The following EDIL3 variants were observed in gnomAD, a reference collection of about 807,000 sequenced individuals.
EDIL3 encodes EGF-like repeat and discoidin I-like domain-containing protein 3.
Under a neutral mutation model 67.4 loss-of-function variants are expected in EDIL3, and 37 were observed. That is an observed-to-expected ratio of 0.55 (90% CI 0.42 to 0.72). The LOEUF (loss-of-function observed/expected upper bound fraction) is 0.72. Ranked by LOEUF, EDIL3 falls within the 30% of genes least tolerant of loss-of-function variation. The pLI, the probability that EDIL3 is intolerant of heterozygous loss-of-function variation, is 0.00. For synonymous variants in EDIL3, 195 were observed against 196.3 expected, an observed-to-expected ratio of 0.99 and a Z score of 0.05; for missense variants, 527 against 586.3, an observed-to-expected ratio of 0.90 and a Z score of 1.04.
At chr5:84,131,670 A>G (rs73769736) in intron 5 of EDIL3, among the ~76,000 whole-genome samples, 4,847 of 152,294 alleles carry the variant, frequency 0.032, 241 homozygotes, top group African/African-American at 0.11. Context: ...GGATTAAAAA[A>G]TCAATATTTA....
chr5:84,195,572 T>A (rs1743687933), intron 3 of EDIL3, among the ~76,000 whole-genome samples: 1 of 151,998 alleles, frequency 6.6e-6, no homozygotes, highest in Non-Finnish European at 1.5e-5. Flanking sequence ...GTACACTTGG[T>A]AATTTCCAAA....
intron 2 of EDIL3, among the ~76,000 whole-genome samples, chr5:84,249,562 C>G (rs1309423455): frequency 6.6e-6 from 1 of 152,026 alleles, no homozygotes; most frequent in East Asian, 1.9e-4. Context: ...GTAACTATTA[C>G]TTAGTAAACA....
intron 1 of EDIL3, among the ~76,000 whole-genome samples, chr5:84,327,999 AG>A (rs1746797144): frequency 6.6e-6 from 1 of 152,028 alleles, no homozygotes; most frequent in African/African-American, 2.4e-5. Context: ...TGAATAAATA[AG>A]TGCTTCTCAA....
rs1278058013 is a variant in EDIL3 at position 84,064,684 on chromosome 5, T to A, written c.952+16A>T. The A allele has an allele frequency of 5.0e-6, 8 of 1,605,866 alleles. No individual in the cohort carries two copies. The African/African-American group carries it at 6.7e-5, about 13-fold the overall frequency. The stretch of plus-strand genomic sequence containing the variant: ...TTCTTTAAATAGAATACAGAAATAG[T>A]TAATTTGAGACTTACCCGACAGTTC... On this transcript the variant is annotated intron_variant, in intron 8 of 10. Transcript: ENST00000296591.
intron 1 of EDIL3, among the ~76,000 whole-genome samples, chr5:84,371,341 A>G (rs141543922): frequency 0.11 from 13,986 of 129,618 alleles, 884 homozygotes; most frequent in South Asian, 0.23. Context: ...ATATATATAT[A>G]TGTGTGTGTG....
At chr5:84,195,931 T>C (rs1277205744) in intron 3 of EDIL3, among the ~76,000 whole-genome samples, 1 of 151,970 alleles carries the variant, frequency 6.6e-6, no homozygotes, top group Non-Finnish European at 1.5e-5. Flanking sequence ...TCACAGGAGC[T>C]ACCTAAGCCC....
chr5:84,243,076 T>C (rs1173049848), intron 2 of EDIL3, among the ~76,000 whole-genome samples: 2 of 102,698 alleles, frequency 1.9e-5, no homozygotes, highest in East Asian at 2.6e-4. Context: ...ATTTTATGTG[T>C]GTGTGTGTGT....
chr5:84,270,424 G>C (rs1217014872), intron 1 of EDIL3, among the ~76,000 whole-genome samples: 1 of 152,134 alleles, frequency 6.6e-6, no homozygotes, highest in Non-Finnish European at 1.5e-5. Flanking sequence ...TAACTCATAA[G>C]CCTAAGGATA....
intron 9 of EDIL3, among the ~76,000 whole-genome samples, chr5:84,026,239 T>C (rs1561407305): frequency 6.6e-6 from 1 of 152,244 alleles, no homozygotes; most frequent in Non-Finnish European, 1.5e-5. Context: ...TTGGAGAATA[T>C]AAGATTTCTG....
chr5:83,979,803 C>T (rs931160342), intron 9 of EDIL3, among the ~76,000 whole-genome samples: 3 of 152,050 alleles, frequency 2.0e-5, no homozygotes, highest in Non-Finnish European at 4.4e-5. Context: ...CTAGATTGGA[C>T]ATATAGGGGC....
chr5:84,024,845 C>G (rs1745783749), intron 9 of EDIL3, among the ~76,000 whole-genome samples: 1 of 150,662 alleles, frequency 6.6e-6, no homozygotes, highest in South Asian at 2.1e-4. Context: ...TGACTTTTAT[C>G]TCTCTAAGTA....
At chr5:84,102,491 C>T (rs1455895676) in intron 6 of EDIL3, among the ~76,000 whole-genome samples, 1 of 151,850 alleles carries the variant, frequency 6.6e-6, no homozygotes, top group Non-Finnish European at 1.5e-5. Context: ...TGATAAACAC[C>T]TTCAGCAAAG....
chr5:84,037,988 G>GTTTTTTTTTTTTTTTTTT (rs67762520), intron 9 of EDIL3, among the ~76,000 whole-genome samples: 2 of 99,748 alleles, frequency 2.0e-5, no homozygotes, highest in African/African-American at 9.0e-5. Flanking sequence ...TTTCTTTCTT[G>GTTTTTTTTTTTTTTTTTT]TTTTTTTTTT....
chr5:84,120,278 G>A (rs1363278830), intron 5 of EDIL3, among the ~76,000 whole-genome samples: 4 of 151,928 alleles, frequency 2.6e-5, no homozygotes, highest in Non-Finnish European at 5.9e-5. Context: ...CAGAAGTCAA[G>A]TGGGTGGCAA....
chr5:84,243,777 TAAC>T (rs1196847986), intron 2 of EDIL3, among the ~76,000 whole-genome samples: 1 of 152,162 alleles, frequency 6.6e-6, no homozygotes, highest in Non-Finnish European at 1.5e-5. Flanking sequence ...AAAAAGAAGA[TAAC>T]AATAAATATT....
chr5:84,383,946 G>A (rs186826209), intron 1 of EDIL3, among the ~76,000 whole-genome samples: 336 of 152,190 alleles, frequency 2.2e-3, no homozygotes, highest in Non-Finnish European at 3.8e-3. Flanking sequence ...AGCCCTGCCC[G>A]ACGTCTGCAG....
At chr5:84,122,014 T>C (rs1747784784) in intron 5 of EDIL3, among the ~76,000 whole-genome samples, 1 of 151,960 alleles carries the variant, frequency 6.6e-6, no homozygotes, top group East Asian at 1.9e-4. Flanking sequence ...ATCAATTTAA[T>C]TGAGGCAAAC....
At chr5:84,087,106 T>A (rs1489709413) in intron 6 of EDIL3, among the ~76,000 whole-genome samples, 2 of 152,210 alleles carry the variant, frequency 1.3e-5, no homozygotes, top group East Asian at 3.8e-4. Context: ...GCTAATAATC[T>A]CTTTAATATG....
intron 1 of EDIL3, among the ~76,000 whole-genome samples, chr5:84,317,700 A>G (rs1746544257): frequency 6.6e-6 from 1 of 152,196 alleles, no homozygotes; most frequent in African/African-American, 2.4e-5. Flanking sequence ...ACCCAAAGCC[A>G]ATATCATACT....
Sources: gnomAD v4.1 joint callset for allele counts (sites outside exome capture counted in the v4.1 genomes callset) on GRCh38, gnomAD v4.1.1 for gene constraint, MANE v1.5 for transcripts, NCBI Gene and HGNC (gene_info 2026-07-23, HGNC 2026-07-21) for gene names.